Variants in DCC observed in about 807,000 individuals in gnomAD.
DCC encodes DCC netrin 1 receptor.
Under a neutral mutation model 172.5 loss-of-function variants are expected in DCC, and 58 were observed. The observed-to-expected ratio is 0.34, with a 90% CI of 0.27 to 0.42. The LOEUF is 0.42. Ranked by LOEUF, DCC falls within the 10% of genes least tolerant of loss-of-function variation. The pLI, the probability that DCC is intolerant of heterozygous loss-of-function variation, is 1.00. For synonymous variants in DCC, 709 were observed against 644.5 expected, an observed-to-expected ratio of 1.10 and a Z score of -1.52; for missense variants, 1,740 against 1,791.0, an observed-to-expected ratio of 0.97 and a Z score of 0.51.
intron 25 of DCC, among the ~76,000 whole-genome samples, chr18:53,469,150 T>C (rs1031449581): frequency 5.3e-5 from 8 of 152,186 alleles, no homozygotes; most frequent in Admixed American, 5.2e-4. Context: ...CGTGTCCTCA[T>C]TTATCTGCAA....
intron 22 of DCC, among the ~76,000 whole-genome samples, chr18:53,437,416 T>C (rs1912012919): frequency 6.6e-6 from 1 of 151,224 alleles, no homozygotes; most frequent in Non-Finnish European, 1.5e-5. Context: ...CTGTCTCTAC[T>C]AAAAACACAA....
intron 5 of DCC, among the ~76,000 whole-genome samples, chr18:53,000,778 T>C (rs1208648717): frequency 6.6e-6 from 1 of 151,784 alleles, no homozygotes; most frequent in East Asian, 1.9e-4. Context: ...CATTGATAAA[T>C]GATGATGATT....
intron 2 of DCC, among the ~76,000 whole-genome samples, chr18:52,810,105 T>C (rs1182879305): frequency 1.3e-5 from 2 of 151,870 alleles, no homozygotes; most frequent in African/African-American, 2.4e-5. Context: ...TCTCAAAAAG[T>C]TTATTGAAAG....
chr18:52,422,510 C>T (rs1005527500), intron 1 of DCC, among the ~76,000 whole-genome samples: 1 of 152,254 alleles, frequency 6.6e-6, no homozygotes, highest in Admixed American at 6.5e-5. Context: ...GTTGGGAAGA[C>T]TGTAGGTTGC....
intron 2 of DCC, among the ~76,000 whole-genome samples, chr18:52,797,484 A>T (rs2037897902): frequency 6.6e-6 from 1 of 152,210 alleles, no homozygotes; most frequent in Admixed American, 6.5e-5. Context: ...TGGGTATAGC[A>T]GTGTAGTCTT....
intron 2 of DCC, among the ~76,000 whole-genome samples, chr18:52,895,948 C>T (rs1431021038): frequency 6.6e-6 from 1 of 152,060 alleles, no homozygotes; most frequent in Non-Finnish European, 1.5e-5. Flanking sequence ...CCACACTTGG[C>T]TCATTTTTGT....
intron 12 of DCC, among the ~76,000 whole-genome samples, chr18:53,223,220 AC>A (rs2055970656): frequency 6.6e-6 from 1 of 152,168 alleles, no homozygotes; most frequent in South Asian, 2.1e-4. Flanking sequence ...TACATAAAAT[AC>A]ATCATTTTTC....
intron 5 of DCC, among the ~76,000 whole-genome samples, chr18:52,991,621 T>A (rs952367923): frequency 1.3e-5 from 2 of 152,182 alleles, no homozygotes; most frequent in Admixed American, 6.6e-5. Flanking sequence ...CTTCTAAAAC[T>A]TGTCATCCCA....
At chr18:53,360,232 T>TAAAAGTCAC (rs1310053823) in intron 15 of DCC, among the ~76,000 whole-genome samples, 2 of 152,150 alleles carry the variant, frequency 1.3e-5, no homozygotes, top group African/African-American at 2.4e-5. Flanking sequence ...ATCTTATATA[T>TAAAAGTCAC]ACTAGTCATG....
intron 1 of DCC, among the ~76,000 whole-genome samples, chr18:52,605,872 T>G (rs1257416042): frequency 6.6e-6 from 1 of 152,248 alleles, no homozygotes; most frequent in East Asian, 1.9e-4. Context: ...AGTAATCTCA[T>G]GCAGCTTAAT....
chr18:52,538,977 G>A (rs1440684411), intron 1 of DCC, among the ~76,000 whole-genome samples: 1 of 152,172 alleles, frequency 6.6e-6, no homozygotes, highest in Non-Finnish European at 1.5e-5. Context: ...GTCTGAGGCT[G>A]ATAGACATGT....
At chr18:53,324,622 T>G (rs2043146) in intron 14 of DCC, among the ~76,000 whole-genome samples, 94,086 of 151,622 alleles carry the variant, frequency 0.62, 29,697 homozygotes, top group African/African-American at 0.68. Context: ...AGAAGAAAAA[T>G]CAAGAACAGT....
chr18:52,371,678 C>T (rs1386405580), intron 1 of DCC, among the ~76,000 whole-genome samples: 2 of 152,118 alleles, frequency 1.3e-5, no homozygotes, highest in African/African-American at 2.4e-5. Context: ...GTATGGAGTT[C>T]GTTTGTCATG....
At chr18:52,450,601 T>C (rs1440145451) in intron 1 of DCC, among the ~76,000 whole-genome samples, 1 of 152,234 alleles carries the variant, frequency 6.6e-6, no homozygotes, top group Non-Finnish European at 1.5e-5. Context: ...AAACGTTTCT[T>C]ACTCATCAGT....
At chr18:53,495,275 CCAGCTACT>C (rs1257576485) in intron 26 of DCC, among the ~76,000 whole-genome samples, 1 of 151,570 alleles carries the variant, frequency 6.6e-6, no homozygotes, top group Non-Finnish European at 1.5e-5. Context: ...ACCTGTAATC[CCAGCTACT>C]CAGGAGGCTG....
chr18:53,292,733 G>T (rs552087359), intron 12 of DCC, among the ~76,000 whole-genome samples: 1 of 152,010 alleles, frequency 6.6e-6, no homozygotes, highest in Non-Finnish European at 1.5e-5. Context: ...ACAAATCTTT[G>T]CACAATGCTG....
intron 2 of DCC, among the ~76,000 whole-genome samples, chr18:52,879,287 C>A (rs970882514): frequency 1.2e-4 from 18 of 152,008 alleles, no homozygotes; most frequent in Middle Eastern, 3.4e-3. Context: ...TACATGAAAC[C>A]TTAAGGTATT....
intron 12 of DCC, among the ~76,000 whole-genome samples, chr18:53,250,941 C>A (rs1249672872): frequency 2.6e-5 from 4 of 151,960 alleles, no homozygotes; most frequent in African/African-American, 9.7e-5. Context: ...GCTGTTCTTT[C>A]CGAACAGATG....
rs539765906 is a variant in DCC at position 52,508,998 on chromosome 18, C to G, written c.91+168120C>G. 2.6e-5 allele frequency among the ~76,000 whole-genome samples: 4 copies of G among 152,292 alleles called. No individual in the cohort carries two copies. The East Asian group carries it at 7.7e-4, about 29-fold the overall frequency. ...AATGCGGGTCTTCAATTTTATTTCACTTTAATTGATTTTAATTTTATTTAA... is the reference window on the plus strand; with the variant it reads ...AATGCGGGTCTTCAATTTTATTTCAGTTTAATTGATTTTAATTTTATTTAA... On this transcript the variant is annotated intron_variant, in intron 1 of 28. Coordinates refer to ENST00000442544, the MANE Select transcript of DCC (RefSeq NM_005215.4).
Sources: gnomAD v4.1 joint callset for allele counts (sites outside exome capture counted in the v4.1 genomes callset) on GRCh38, gnomAD v4.1.1 for gene constraint, MANE v1.5 for transcripts, NCBI Gene and HGNC (gene_info 2026-07-23, HGNC 2026-07-21) for gene names.